The following RWDD1 variants were observed in gnomAD, a reference collection of about 807,000 sequenced individuals.
The protein encoded by RWDD1 is RWD domain-containing protein 1.
Under a neutral mutation model 31.6 loss-of-function variants are expected in RWDD1, and 17 were observed. The observed-to-expected ratio is 0.54, with a 90% CI of 0.37 to 0.81. RWDD1 has a LOEUF of 0.81. Ranked by LOEUF, RWDD1 falls within the 30% of genes least tolerant of loss-of-function variation. The pLI is 0.00. For missense variants in RWDD1, 204 were observed against 274.5 expected (o/e 0.74, Z 1.82); for synonymous variants, 78 against 94.2 (o/e 0.83, Z 0.99).
At chr6:116,573,009 C>G (rs1774772577) in intron 1 of RWDD1, 2 of 985,056 alleles carry the variant, frequency 2.0e-6, no homozygotes, top group African/African-American at 3.5e-5. Flanking sequence ...GAGTCTGGCT[C>G]CCTTCTCTAT....
intron 1 of RWDD1, among the ~76,000 whole-genome samples, chr6:116,579,767 T>C (rs1185773225): frequency 1.3e-5 from 2 of 152,216 alleles, no homozygotes; most frequent in African/African-American, 4.8e-5. Context: ...TTAGTAAGCA[T>C]ATGTGAAAGA....
chr6:116,589,471 T>C (rs981680397), intron 4 of RWDD1, among the ~76,000 whole-genome samples: 23 of 152,302 alleles, frequency 1.5e-4, no homozygotes, highest in African/African-American at 5.5e-4. Context: ...AAGCTTGATA[T>C]AGAGTTTAGA....
chr6:116,583,899 T>C (rs1441078921), intron 2 of RWDD1, among the ~76,000 whole-genome samples: 1 of 152,234 alleles, frequency 6.6e-6, no homozygotes, highest in African/African-American at 2.4e-5. Flanking sequence ...AAGTGCTTTT[T>C]TTCCCCGTCC....
At chr6:116,578,665 A>G (rs1774895316) in intron 1 of RWDD1, among the ~76,000 whole-genome samples, 1 of 152,184 alleles carries the variant, frequency 6.6e-6, no homozygotes, top group African/African-American at 2.4e-5. Context: ...AAATATAGAC[A>G]AGCCCAACCA....
At position 116,595,827 on chromosome 6, in the gene RWDD1, G is replaced by C. The variant is rs1254729773; in HGVS notation, c.*2726G>C. The C allele has an allele frequency of 6.6e-6, 1 of 152,162 alleles. No homozygotes were observed. Among genetic ancestry groups the C allele is most frequent in the Non-Finnish European group, 1.5e-5 (1 of 68,022 alleles). 9.4% of individuals were successfully genotyped at this position (152,162 alleles called of 1,614,324 possible). On this transcript the variant is annotated 3_prime_UTR_variant, in exon 7 of 7. Coordinates refer to ENST00000466444, the MANE Select transcript of RWDD1 (RefSeq NM_015952.4). ...ATCCTGCTTTACTTCATGCACTTTT[G>C]CCAGCAGAGGTGGATGCCTTAGGGA...
At chr6:116,572,714 A>G (rs138572477) in intron 1 of RWDD1, 1 of 279,886 alleles carries the variant, frequency 3.6e-6, no homozygotes, top group East Asian at 1.8e-4. Flanking sequence ...TATCGTTGAT[A>G]GTCAGAATTT....
In RWDD1 at chr6:116,590,252, T is replaced by C. The variant is rs751156689; in HGVS notation, c.415-20T>C. On this transcript the variant is annotated intron_variant, in intron 4 of 6. Transcript: ENST00000466444. Reference sequence around the variant, plus strand: ...CTGCTGTTTCATTAATCTGGTGACTTTTTTTTTTTATTTCCTAAGCAATTA... The same window carrying C: ...CTGCTGTTTCATTAATCTGGTGACTCTTTTTTTTTATTTCCTAAGCAATTA... The C allele has an allele frequency of 7.4e-7, 1 of 1,355,140 alleles. No individual in the cohort carries two copies. Among genetic ancestry groups the C allele is most frequent in the Admixed American group, 2.5e-5 (1 of 40,198 alleles). The allele number at this position is 1,355,140 out of a possible 1,614,324, so 83.9% of individuals were successfully genotyped here. A position where few individuals can be genotyped will look rare whatever the true frequency, so the allele number is the denominator to read the frequency against.
intron 1 of RWDD1, among the ~76,000 whole-genome samples, chr6:116,577,838 G>A (rs1394980805): frequency 6.6e-6 from 1 of 152,036 alleles, no homozygotes; most frequent in African/African-American, 2.4e-5. Flanking sequence ...AAAAGATTGT[G>A]CGCAACTAAA....
At chr6:116,583,839 C>G (rs1774990249) in intron 2 of RWDD1, among the ~76,000 whole-genome samples, 1 of 152,106 alleles carries the variant, frequency 6.6e-6, no homozygotes, top group Non-Finnish European at 1.5e-5. Context: ...CATAAAATTC[C>G]TTGTTAATAT....
At chr6:116,591,537 C>T (rs1232055054) in intron 6 of RWDD1, among the ~76,000 whole-genome samples, 2 of 152,246 alleles carry the variant, frequency 1.3e-5, no homozygotes, top group Non-Finnish European at 2.9e-5. Flanking sequence ...GTATTTGGAG[C>T]ATCTAGTCCC....
chr6:116,584,230 A>G (rs994598285), intron 2 of RWDD1, among the ~76,000 whole-genome samples: 2 of 152,166 alleles, frequency 1.3e-5, no homozygotes, highest in African/African-American at 4.8e-5. Context: ...AGTTTCCCAT[A>G]TAACCTTTTA....
intron 2 of RWDD1, among the ~76,000 whole-genome samples, chr6:116,583,411 T>C (rs527972960): frequency 6.6e-6 from 1 of 152,324 alleles, no homozygotes; most frequent in South Asian, 2.1e-4. Context: ...GGTTCAGTTA[T>C]ACAAGATGAA....
intron 2 of RWDD1, among the ~76,000 whole-genome samples, chr6:116,581,424 C>A (rs1454204724): frequency 6.6e-6 from 1 of 151,970 alleles, no homozygotes; most frequent in African/African-American, 2.4e-5. Context: ...ATAAAAATTT[C>A]TTGTGAGAGC....
chr6:116,573,020 C>T (rs1774772817), intron 1 of RWDD1: 10 of 983,622 alleles, frequency 1.0e-5, no homozygotes, highest in Non-Finnish European at 1.1e-5. Context: ...CCTTCTCTAT[C>T]CTTGCTTATA....
At position 116,594,401 on chromosome 6, in the gene RWDD1, A is replaced by G. The variant is rs1775208676; in HGVS notation, c.*1300A>G. The G allele has an allele frequency of 6.6e-6, 1 of 152,162 alleles. No individual in the cohort carries two copies. Among genetic ancestry groups the G allele is most frequent in the Non-Finnish European group, 1.5e-5 (1 of 68,014 alleles). 9.4% of individuals were successfully genotyped at this position (152,162 alleles called of 1,614,324 possible). On this transcript the variant is annotated 3_prime_UTR_variant, in exon 7 of 7. Transcript: ENST00000466444. Reference sequence around the variant, plus strand: ...TTTGTGGAGTTTCTAAAAGGTATGCATTCCTAGGCCCCTCTCAAGTTAGAT... The same window carrying G: ...TTTGTGGAGTTTCTAAAAGGTATGCGTTCCTAGGCCCCTCTCAAGTTAGAT...
rs1417690308 is a variant in RWDD1 at position 116,571,596 on chromosome 6, G to C, written c.14G>C (p.Gly5Ala). The part of the protein sequence containing the change: MTDY[G>A]EEQRNELEAL... The stretch of plus-strand genomic sequence containing the variant: ...GCAAGGGCCACGATGACAGATTACG[G>C]CGAGGAGCAGCGCAACGAGCTGGAG... The change falls in exon 1 of 7, where the codon GGC (glycine) becomes GCC (alanine). Residue 5 changes from glycine (G) to alanine (A), a missense_variant. Coordinates refer to ENST00000466444, the MANE Select transcript of RWDD1 (RefSeq NM_015952.4). 2 of 1,613,674 alleles carry C rather than the reference G, an allele frequency of 1.2e-6. No homozygotes were observed. The highest frequency in any genetic ancestry group is 1.7e-6 in the Non-Finnish European group (2 of 1,179,916).
rs1185521212 is a variant in RWDD1 at position 116,593,592 on chromosome 6, T to C, written c.*491T>C. On this transcript the variant is annotated 3_prime_UTR_variant, in exon 7 of 7. Transcript: ENST00000466444. The stretch of plus-strand genomic sequence containing the variant: ...TATTATGATCATAAGTAAGATGAAG[T>C]TTAGCCTTCCTTTTAGTCCATTTTG... 6.6e-6 allele frequency: 1 copy of C among 152,316 alleles called. No individual in the cohort carries two copies. The highest frequency in any genetic ancestry group is 1.5e-5 in the Non-Finnish European group (1 of 68,132). The allele number at this position is 152,316 out of a possible 1,614,324, so 9.4% of individuals were successfully genotyped here.
chr6:116,574,726 T>C (rs1774806552), intron 1 of RWDD1, among the ~76,000 whole-genome samples: 1 of 149,660 alleles, frequency 6.7e-6, no homozygotes, highest in Non-Finnish European at 1.5e-5. Flanking sequence ...TCTTTCTCTC[T>C]CCTTCCTTCC....
chr6:116,578,673 C>T (rs1010570115), intron 1 of RWDD1, among the ~76,000 whole-genome samples: 1 of 152,130 alleles, frequency 6.6e-6, no homozygotes, highest in African/African-American at 2.4e-5. Flanking sequence ...ACAAGCCCAA[C>T]CATATTATGG....
Sources: allele counts gnomAD v4.1 joint callset (sites outside exome capture counted in the v4.1 genomes callset), GRCh38; gene constraint gnomAD v4.1.1; transcripts MANE v1.5; gene names NCBI Gene and HGNC (gene_info 2026-07-23, HGNC 2026-07-21).